BRSK2: variants seen among roughly 807,000 people sequenced by gnomAD.
BRSK2 encodes the protein BR serine/threonine kinase 2, also known as serine/threonine-protein kinase BRSK2.
In BRSK2, 19 loss-of-function variants were observed where a neutral mutation model predicts 83.3. The observed-to-expected ratio is 0.23, with a 90% CI of 0.16 to 0.33. The LOEUF is 0.33. BRSK2 is among the 10% of genes least tolerant of loss of function. The pLI is 1.00. For missense variants in BRSK2, 798 were observed against 1,042.3 expected, an observed-to-expected ratio of 0.77 and a Z score of 3.23; for synonymous variants, 519 against 435.4, an observed-to-expected ratio of 1.19 and a Z score of -2.39.
At position 1,390,032 on chromosome 11, in the gene BRSK2, C is replaced by T. The variant is rs1845624227; in HGVS notation, c.-253C>T. 1 of 148,010 alleles carries T rather than the reference C, an allele frequency of 6.8e-6. No individual in the cohort carries two copies. Among genetic ancestry groups the T allele is most frequent in the Non-Finnish European group, 1.5e-5 (1 of 66,756 alleles). The allele number at this position is 148,010 out of a possible 1,614,324, so 9.2% of individuals were successfully genotyped here. A position where few individuals can be genotyped will look rare whatever the true frequency, so the allele number is the denominator to read the frequency against. The stretch of plus-strand genomic sequence containing the variant: ...CGGCGGCGGCGGCGGCGGCGGAAGC[C>T]AGGTGCCCCCGCCCGCCCTGTCCTC... On this transcript the variant is annotated 5_prime_UTR_variant, in exon 1 of 20. Coordinates refer to ENST00000528841, the MANE Select transcript of BRSK2 (RefSeq NM_001256627.2). This position sits in a 1 kb window ranked among gnomAD's most constrained non-coding sequence, Gnocchi z 6.8.
At chr11:1,447,782 C>T in intron 12 of BRSK2, 1 of 1,594,982 alleles carries the variant, frequency 6.3e-7, no homozygotes, top group Non-Finnish European at 8.5e-7. Flanking sequence ...TGTTTTCTCG[C>T]TCTGTTCTGC....
chr11:1,453,172 A>G lies in BRSK2; in HGVS notation c.1545-1313A>G, dbSNP rs1846015221. Among the ~76,000 whole-genome samples the G allele has an allele frequency of 2.0e-5, 3 of 152,356 alleles. No homozygotes were observed. In the East Asian group the frequency reaches 5.8e-4, roughly 29 times the overall value. On this transcript the variant is annotated intron_variant, in intron 15 of 19. Coordinates refer to ENST00000528841, the MANE Select transcript of BRSK2 (RefSeq NM_001256627.2). The stretch of plus-strand genomic sequence containing the variant: ...ATTTAAGTTCGTCTCATCTAAAAAT[A>G]GCTTCATAGCAACACCCAGACTAGT...
intron 1 of BRSK2, among the ~76,000 whole-genome samples, chr11:1,426,294 A>G (rs2132904739): frequency 2.7e-5 from 4 of 147,404 alleles, no homozygotes; most frequent in South Asian, 4.5e-4. Flanking sequence ...TGCTCTGGGG[A>G]TGTGTGTGGG....
intron 1 of BRSK2, among the ~76,000 whole-genome samples, chr11:1,435,684 C>A (rs564212643): frequency 3.7e-4 from 56 of 151,410 alleles, no homozygotes; most frequent in African/African-American, 1.3e-3. Context: ...GGGGGACAGC[C>A]TTCTTGGGCC....
intron 14 of BRSK2, 113 bp from the exon 15 acceptor site, chr11:1,451,258 C>G: frequency 7.9e-7 from 1 of 1,271,010 alleles, no homozygotes; most frequent in Non-Finnish European, 1.1e-6. Flanking sequence ...GGGGGCTGTC[C>G]CAGTGTGTGT....
chr11:1,460,364 T>G, intron 19 of BRSK2, 136 bp from the exon 20 acceptor site: 1 of 1,015,584 alleles, frequency 9.8e-7, no homozygotes, highest in Non-Finnish European at 1.4e-6. Flanking sequence ...TCTGGGTTCT[T>G]TCCCTCGTCG....
intron 13 of BRSK2, 80 bp from the exon 14 acceptor site, chr11:1,450,507 G>A (rs1009981887): frequency 1.5e-5 from 10 of 683,364 alleles, no homozygotes; most frequent in Non-Finnish European, 2.5e-5. Context: ...CCACCCCTGG[G>A]CCCGCCTGCC....
intron 1 of BRSK2, among the ~76,000 whole-genome samples, chr11:1,403,263 A>G (rs1846615477): frequency 6.6e-6 from 1 of 152,166 alleles, no homozygotes; most frequent in Non-Finnish European, 1.5e-5. Flanking sequence ...GGAACGTGGC[A>G]GTTGTCCCCC....
intron 1 of BRSK2, among the ~76,000 whole-genome samples, chr11:1,426,864 G>A (rs1849293038): frequency 6.6e-6 from 1 of 152,110 alleles, no homozygotes; most frequent in African/African-American, 2.4e-5. Flanking sequence ...GCCAGCAGCA[G>A]GCAAGTCTAT....
At chr11:1,451,737 G>A (rs761050387) in intron 15 of BRSK2, among the ~76,000 whole-genome samples, 3 of 152,142 alleles carry the variant, frequency 2.0e-5, no homozygotes, top group Non-Finnish European at 2.9e-5. Flanking sequence ...GGCAGAGACC[G>A]GGTCGCTCAG....
chr11:1,443,228 GTGC>G (rs925631339), intron 6 of BRSK2, 89 bp downstream of exon 6: 2 of 1,519,614 alleles, frequency 1.3e-6, no homozygotes, highest in African/African-American at 2.8e-5. Context: ...GCACCCCCAG[GTGC>G]TGCTAGGCTG....
intron 13 of BRSK2, 141 bp from the exon 14 acceptor site, chr11:1,450,446 G>A (rs1347032043): frequency 4.2e-5 from 24 of 573,484 alleles, no homozygotes; most frequent in Non-Finnish European, 6.7e-5. Context: ...CCCCTTCCCG[G>A]CCAGCACCCC....
At chr11:1,433,846 T>C (rs1162909956) in intron 1 of BRSK2, among the ~76,000 whole-genome samples, 1 of 152,196 alleles carries the variant, frequency 6.6e-6, no homozygotes, top group East Asian at 1.9e-4. Context: ...GGCTCCCCTC[T>C]GTGCCCAGCC....
intron 19 of BRSK2, 33 bp from the exon 20 acceptor site, chr11:1,460,467 T>TTTTTTTTTTTC: frequency 8.1e-7 from 1 of 1,232,090 alleles, no homozygotes; most frequent in Non-Finnish European, 1.0e-6. Flanking sequence ...TTTCCTTTTT[T>TTTTTTTTTTTC]TTTTTTTTTT....
chr11:1,445,043 T>G, intron 9 of BRSK2, 41 bp downstream of exon 9: 1 of 1,602,542 alleles, frequency 6.2e-7, no homozygotes, highest in Non-Finnish European at 8.5e-7. Context: ...GCTTTGCCTG[T>G]TGCTGTGGCC....
At chr11:1,402,211 C>T (rs962772908) in intron 1 of BRSK2, among the ~76,000 whole-genome samples, 115 of 152,304 alleles carry the variant, frequency 7.6e-4, no homozygotes, top group African/African-American at 2.6e-3. Flanking sequence ...CGGTGGGTGT[C>T]GGGGCTCCCC....
intron 1 of BRSK2, among the ~76,000 whole-genome samples, chr11:1,426,827 A>T (rs1303381932): frequency 6.6e-6 from 1 of 151,966 alleles, no homozygotes; most frequent in Non-Finnish European, 1.5e-5. Context: ...CCCTCAGCCA[A>T]GTGCATGTGG....
chr11:1,449,116 C>T (rs79687380), intron 12 of BRSK2, among the ~76,000 whole-genome samples: 1,762 of 152,336 alleles, frequency 0.012, 18 homozygotes, highest in Non-Finnish European at 0.018. Context: ...GGTCCCTGCA[C>T]GGGGGTGGCG....
chr11:1,455,680 C>T (rs552923408), intron 16 of BRSK2, among the ~76,000 whole-genome samples: 24 of 152,168 alleles, frequency 1.6e-4, no homozygotes, highest in African/African-American at 5.3e-4. Flanking sequence ...TGCTCACTTC[C>T]TCGGCCTCCT....
Sources: allele counts gnomAD v4.1 joint callset (sites outside exome capture counted in the v4.1 genomes callset), GRCh38; gene constraint gnomAD v4.1.1; non-coding constraint Gnocchi (gnomAD v3.1); transcripts MANE v1.5; gene names NCBI Gene and HGNC (gene_info 2026-07-23, HGNC 2026-07-21).